The following RHPN2 variants were observed in gnomAD, a reference collection of about 807,000 sequenced individuals.
RHPN2 encodes rhophilin-2.
In RHPN2, 40 loss-of-function variants were observed where a neutral mutation model predicts 79.0. The ratio of observed to expected loss-of-function variants is 0.51; its 90% confidence interval spans 0.39 to 0.66. The LOEUF is 0.66. Ranked by LOEUF, RHPN2 falls within the 30% of genes least tolerant of loss-of-function variation. The pLI, the probability that RHPN2 is intolerant of heterozygous loss-of-function variation, is 0.00. For synonymous variants in RHPN2, 285 were observed against 363.5 expected, an observed-to-expected ratio of 0.78 and a Z score of 2.46; for missense variants, 686 against 883.5, an observed-to-expected ratio of 0.78 and a Z score of 2.83.
chr19:33,000,945 T>C (rs1971744405), intron 9 of RHPN2, among the ~76,000 whole-genome samples: 1 of 152,154 alleles, frequency 6.6e-6, no homozygotes, highest in Admixed American at 6.6e-5. Flanking sequence ...TCTCACCTAA[T>C]AGACTATATA....
At chr19:33,036,633 G>T (rs1972058044) in intron 2 of RHPN2, among the ~76,000 whole-genome samples, 1 of 152,216 alleles carries the variant, frequency 6.6e-6, no homozygotes, top group African/African-American at 2.4e-5. Flanking sequence ...CTGGGGAAGT[G>T]TGGAGGGAGA....
At chr19:33,039,806 C>T (rs1402716496) in intron 2 of RHPN2, among the ~76,000 whole-genome samples, 6 of 150,980 alleles carry the variant, frequency 4.0e-5, no homozygotes, top group African/African-American at 9.8e-5. Context: ...CCACTGCACT[C>T]CAGCCTGGGT....
intron 3 of RHPN2, among the ~76,000 whole-genome samples, chr19:33,021,862 ACCCCTCCTAACACATCAGG>A (rs1193035182): frequency 6.6e-6 from 1 of 151,602 alleles, no homozygotes; most frequent in Non-Finnish European, 1.5e-5. Context: ...CTGCTGGACC[ACCCCTCCTAACACATCAGG>A]CCCCTGGCAT....
intron 3 of RHPN2, among the ~76,000 whole-genome samples, chr19:33,023,133 T>C (rs11883188): frequency 0.012 from 1,765 of 152,198 alleles, 22 homozygotes; most frequent in Middle Eastern, 0.037. Flanking sequence ...AACAGTCTAC[T>C]TTGAAAACAC....
intron 1 of RHPN2, among the ~76,000 whole-genome samples, chr19:33,050,170 G>A (rs1375468877): frequency 6.6e-6 from 1 of 152,140 alleles, no homozygotes; most frequent in East Asian, 1.9e-4. Context: ...CATTGGCCTT[G>A]AACCTGGGAG....
chr19:33,005,285 C>T (rs67225923), intron 7 of RHPN2, among the ~76,000 whole-genome samples: 29,911 of 151,118 alleles, frequency 0.2, 3,037 homozygotes, highest in Middle Eastern at 0.28. Flanking sequence ...TGGTGGTGCA[C>T]GCCTATAATC....
chr19:32,997,057 G>A (rs1443806985), intron 10 of RHPN2, among the ~76,000 whole-genome samples: 37 of 151,964 alleles, frequency 2.4e-4, no homozygotes, highest in Admixed American at 2.4e-3. Flanking sequence ...CACCACACTT[G>A]GATAATGTTT....
At chr19:33,007,579 A>C (rs1341977131) in intron 7 of RHPN2, among the ~76,000 whole-genome samples, 3 of 152,096 alleles carry the variant, frequency 2.0e-5, no homozygotes, top group African/African-American at 7.2e-5. Context: ...CAAGAAAAAG[A>C]AGCCTACAGT....
chr19:33,039,072 G>T (rs1281896347), intron 2 of RHPN2, among the ~76,000 whole-genome samples: 1 of 152,088 alleles, frequency 6.6e-6, no homozygotes, highest in Non-Finnish European at 1.5e-5. Context: ...CCAGGAATAA[G>T]CACCACATTG....
intron 7 of RHPN2, among the ~76,000 whole-genome samples, chr19:33,005,453 T>G (rs1468313059): frequency 6.9e-6 from 1 of 143,898 alleles, no homozygotes; most frequent in Non-Finnish European, 1.5e-5. Flanking sequence ...ATCCGTCTGC[T>G]CCAATGGAAA....
intron 3 of RHPN2, among the ~76,000 whole-genome samples, chr19:33,024,382 G>A (rs575890392): frequency 1.8e-4 from 27 of 152,198 alleles, no homozygotes; most frequent in African/African-American, 5.3e-4. Flanking sequence ...GCGGTGAGCC[G>A]AGATCATGCC....
At position 33,011,819 on chromosome 19, in the gene RHPN2, C is replaced by T. The variant is rs1340678303; in HGVS notation, c.469-16G>A. On this transcript the variant is annotated splice_polypyrimidine_tract_variant and intron_variant, in intron 5 of 14. Transcript: ENST00000254260. ...TCCGACAAGCCTGCAAGGAAAAGAA[C>T]CCAAGAGGGCATGAGCAGAGGAGGA... 1.9e-6 allele frequency: 3 copies of T among 1,613,888 alleles called. No homozygotes were observed. The highest frequency in any genetic ancestry group is 1.7e-6 in the Non-Finnish European group (2 of 1,179,828).
At chr19:32,983,049 G>C in intron 14 of RHPN2, among the ~76,000 whole-genome samples, 1 of 73,406 alleles carries the variant, frequency 1.4e-5, no homozygotes, top group African/African-American at 5.0e-5. Flanking sequence ...TTGCCTCCCA[G>C]ATCTCTACAC....
intron 14 of RHPN2, among the ~76,000 whole-genome samples, chr19:32,983,273 G>A (rs1244586212): frequency 2.6e-5 from 4 of 152,064 alleles, no homozygotes; most frequent in Non-Finnish European, 5.9e-5. Context: ...AGCACTTTGG[G>A]AGGCCAAGGC....
chr19:33,037,393 A>G (rs58180942), intron 2 of RHPN2, among the ~76,000 whole-genome samples: 1,546 of 152,322 alleles, frequency 0.01, 36 homozygotes, highest in African/African-American at 0.036. Flanking sequence ...GGGTGGGGCC[A>G]GTTAAGAGAA....
At chr19:33,008,250 CTT>C (rs71340517) in intron 6 of RHPN2, 70 bp from the exon 7 acceptor site, 12,707 of 1,059,552 alleles carry the variant, frequency 0.012, no homozygotes, top group East Asian at 0.014. Flanking sequence ...GGAAAAAATT[CTT>C]TTTTTTTTTT....
intron 1 of RHPN2, among the ~76,000 whole-genome samples, chr19:33,060,851 G>GCATCAT (rs1972273769): frequency 6.6e-6 from 1 of 152,142 alleles, no homozygotes. Context: ...GTCACTGACT[G>GCATCAT]CATCATCAGT....
At chr19:33,038,684 G>T (rs1031702961) in intron 2 of RHPN2, among the ~76,000 whole-genome samples, 25 of 152,002 alleles carry the variant, frequency 1.6e-4, no homozygotes, top group African/African-American at 6.0e-4. Context: ...AAGAGACAGG[G>T]TCTCACTCTG....
chr19:33,034,869 CAGG>C (rs1406119288), intron 2 of RHPN2, among the ~76,000 whole-genome samples: 2 of 151,584 alleles, frequency 1.3e-5, no homozygotes, highest in African/African-American at 4.8e-5. Flanking sequence ...GAGGCTGAGG[CAGG>C]AGGACTGCTT....
Sources: gnomAD v4.1 joint callset for allele counts (sites outside exome capture counted in the v4.1 genomes callset) on GRCh38, gnomAD v4.1.1 for gene constraint, MANE v1.5 for transcripts, NCBI Gene and HGNC (gene_info 2026-07-23, HGNC 2026-07-21) for gene names.